The following BNC2 variants were observed in gnomAD, a reference collection of about 807,000 sequenced individuals.
The protein encoded by BNC2 is zinc finger protein basonuclin-2.
BNC2 carries 20 observed loss-of-function variants against 76.3 expected under a neutral mutation model. That is an observed-to-expected ratio of 0.26 (90% CI 0.18 to 0.38). BNC2 has a LOEUF of 0.38. Among genes scored for constraint, BNC2 ranks in the 10% least tolerant of loss-of-function variants. BNC2 has a pLI of 1.00. For missense variants in BNC2, 1,382 were observed against 1,399.8 expected, an observed-to-expected ratio of 0.99 and a Z score of 0.20; for synonymous variants, 582 against 514.8, an observed-to-expected ratio of 1.13 and a Z score of -1.77.
intron 5 of BNC2, 69 bp downstream of exon 5, chr9:16,552,461 C>G (rs1337965264): frequency 7.3e-7 from 1 of 1,372,830 alleles, no homozygotes; most frequent in Non-Finnish European, 1.0e-6. Flanking sequence ...CGAGGTTTGT[C>G]AAGGACTCTC....
In BNC2 at chr9:16,436,643, A is replaced by G. The variant is rs1428673424; in HGVS notation, c.1551T>C (p.Ala517=). ...TTGTACTTGCTATGACAGGGGTGGC[A>G]GCTCCTGAGGTGGCCCGAATTAAAT... ...DKDLIRATSG[A]ATPVIASTKS... is the part of the protein sequence containing the mutation. The change falls in exon 6 of 7, where the codon GCT becomes GCC. Residue 517 remains alanine, a synonymous_variant. Transcript: ENST00000380672. The G allele has an allele frequency of 6.2e-7, 1 of 1,613,948 alleles. No individual in the cohort carries two copies. The highest frequency in any genetic ancestry group is 8.5e-7 in the Non-Finnish European group (1 of 1,180,032).
chr9:16,766,186 GCTTT>G (rs912722352), intron 1 of BNC2, among the ~76,000 whole-genome samples: 15 of 152,096 alleles, frequency 9.9e-5, no homozygotes, highest in Admixed American at 9.2e-4. Context: ...CACTTTTAGT[GCTTT>G]CTGTCTCAAC....
chr9:16,699,378 C>G (rs1823440939), intron 3 of BNC2, among the ~76,000 whole-genome samples: 1 of 152,160 alleles, frequency 6.6e-6, no homozygotes, highest in Non-Finnish European at 1.5e-5. Flanking sequence ...ATAAAGTACC[C>G]AAAAGCCACA....
At chr9:16,554,619 T>G (rs1818765899) in intron 4 of BNC2, among the ~76,000 whole-genome samples, 1 of 152,166 alleles carries the variant, frequency 6.6e-6, no homozygotes, top group Non-Finnish European at 1.5e-5. Context: ...CCACAGGGCA[T>G]TTAGACTGCA....
intron 3 of BNC2, among the ~76,000 whole-genome samples, chr9:16,695,688 T>C (rs913209941): frequency 6.6e-6 from 1 of 152,030 alleles, no homozygotes; most frequent in African/African-American, 2.4e-5. Context: ...TTTTCTCTCT[T>C]ACACGCATTC....
intron 4 of BNC2, among the ~76,000 whole-genome samples, chr9:16,574,616 G>A (rs1411592775): frequency 2.6e-5 from 4 of 152,038 alleles, no homozygotes; most frequent in Non-Finnish European, 5.9e-5. Context: ...ACTGCATACT[G>A]AAGAAAACCT....
chr9:16,817,619 G>A (rs1388453317), intron 1 of BNC2, among the ~76,000 whole-genome samples: 1 of 152,128 alleles, frequency 6.6e-6, no homozygotes, highest in African/African-American at 2.4e-5. Context: ...CACACTGAAG[G>A]TGTTTCTCAA....
At chr9:16,428,966 G>A (rs939631926) in intron 6 of BNC2, among the ~76,000 whole-genome samples, 4 of 152,034 alleles carry the variant, frequency 2.6e-5, no homozygotes, top group African/African-American at 4.8e-5. Context: ...TTTCTTCCTC[G>A]GTCTTAGCTT....
intron 3 of BNC2, among the ~76,000 whole-genome samples, chr9:16,630,250 C>A (rs1027919979): frequency 6.6e-6 from 1 of 152,072 alleles, no homozygotes; most frequent in Non-Finnish European, 1.5e-5. Flanking sequence ...CATGTTAAAT[C>A]TAATAAAGAA....
At chr9:16,649,550 A>G (rs1157261170) in intron 3 of BNC2, among the ~76,000 whole-genome samples, 1 of 152,178 alleles carries the variant, frequency 6.6e-6, no homozygotes, top group Non-Finnish European at 1.5e-5. Context: ...GGAAAAGCAT[A>G]TTCTGTCTTC....
At chr9:16,865,200 T>C (rs1271719150) in intron 1 of BNC2, among the ~76,000 whole-genome samples, 2 of 151,852 alleles carry the variant, frequency 1.3e-5, no homozygotes, top group East Asian at 1.9e-4. Flanking sequence ...TCCAAGACAA[T>C]ACTGTACATT....
intron 1 of BNC2, among the ~76,000 whole-genome samples, chr9:16,778,060 C>T (rs1341710120): frequency 6.6e-6 from 1 of 152,126 alleles, no homozygotes; most frequent in African/African-American, 2.4e-5. Context: ...ACTAGAATGG[C>T]CACAGTAGGT....
chr9:16,754,704 C>A (rs1825328787), intron 1 of BNC2, among the ~76,000 whole-genome samples: 1 of 152,086 alleles, frequency 6.6e-6, no homozygotes, highest in Admixed American at 6.6e-5. Flanking sequence ...ATTATAGCCA[C>A]CCACCACCAT....
At chr9:16,665,648 A>G (rs1339642232) in intron 3 of BNC2, among the ~76,000 whole-genome samples, 2 of 152,186 alleles carry the variant, frequency 1.3e-5, no homozygotes, top group East Asian at 3.9e-4. Flanking sequence ...TTTATAGTCA[A>G]GACTGATTCA....
Position 16,417,703 on chromosome 9 carries a change from T to C in BNC2, c.*1286A>G, listed in dbSNP as rs953365276. On this transcript the variant is annotated 3_prime_UTR_variant, in exon 7 of 7. Coordinates refer to ENST00000380672, the MANE Select transcript of BNC2 (RefSeq NM_017637.6). ...CTTGGAAATGAGTGTTCGACTCTTT[T>C]ACTGTATTCATCTTTGTTCCGTAGC... 5.2e-5 allele frequency: 8 copies of C among 152,788 alleles called. No homozygotes were observed. The highest frequency in any genetic ancestry group is 2.0e-4 in the Admixed American group (3 of 15,306). The allele number at this position is 152,788 out of a possible 1,614,324, so 9.5% of individuals were successfully genotyped here.
intron 6 of BNC2, among the ~76,000 whole-genome samples, chr9:16,420,622 G>A (rs570744131): frequency 2.6e-5 from 4 of 151,864 alleles, no homozygotes; most frequent in South Asian, 2.1e-4. Flanking sequence ...ATACTTCTTC[G>A]ACAAGCAAAA....
Position 16,437,092 on chromosome 9 carries a change from C to T in BNC2, c.1102G>A (p.Glu368Lys), listed in dbSNP as rs1287921241. 3 of 1,613,966 alleles carry T rather than the reference C, an allele frequency of 1.9e-6. No individual in the cohort carries two copies. Among genetic ancestry groups the T allele is most frequent in the African/African-American group, 1.3e-5 (1 of 74,900 alleles). The change falls in exon 6 of 7, where the codon GAA (glutamate) becomes AAA (lysine). Residue 368 changes from glutamate to lysine, a missense_variant. This residue lies in a region of BNC2 where 557 missense variants were observed against 540.9 expected (regional missense o/e 1.03). Coordinates refer to ENST00000380672, the MANE Select transcript of BNC2 (RefSeq NM_017637.6). ...STQNEYNESS[E>K]SEVSPTPYKN... ...TAAGGTGTGGGAGAAACTTCGGATT[C>T]GCTGCTCTCATTATATTCATTCTGA...
chr9:16,536,129 T>C (rs1045846906), intron 5 of BNC2, among the ~76,000 whole-genome samples: 3 of 152,122 alleles, frequency 2.0e-5, no homozygotes, highest in Non-Finnish European at 4.4e-5. Context: ...ATTAATATAC[T>C]AATATATGCT....
At chr9:16,485,059 T>C (rs1822133354) in intron 5 of BNC2, among the ~76,000 whole-genome samples, 1 of 151,786 alleles carries the variant, frequency 6.6e-6, no homozygotes, top group Admixed American at 6.6e-5. Context: ...GAAGAACACA[T>C]CATTCCTGTG....
Sources: gnomAD v4.1 joint callset for allele counts (sites outside exome capture counted in the v4.1 genomes callset) on GRCh38, gnomAD v4.1.1 for gene constraint, gnomAD v4.1.1 regional missense constraint, MANE v1.5 for transcripts, NCBI Gene and HGNC (gene_info 2026-07-23, HGNC 2026-07-21) for gene names.